Variants in NRG1 observed in about 807,000 individuals in gnomAD.
NRG1 encodes neuregulin 1.
A neutral mutation model predicts 63.8 loss-of-function variants in NRG1; 18 were observed. The ratio of observed to expected loss-of-function variants is 0.28; its 90% CI spans 0.19 to 0.42. NRG1 has a LOEUF of 0.42. NRG1 is among the 10% of genes least tolerant of loss of function. NRG1 has a pLI of 1.00. For missense variants in NRG1, 762 were observed against 814.7 expected (o/e 0.94, Z 0.79); for synonymous variants, 302 against 301.3 (o/e 1.00, Z -0.02).
intron 1 of NRG1, among the ~76,000 whole-genome samples, chr8:32,433,480 T>C (rs891213183): frequency 7.9e-5 from 12 of 152,210 alleles, no homozygotes; most frequent in African/African-American, 1.2e-4. Flanking sequence ...CTTTTGGGCT[T>C]GTATTTTTTC....
intron 1 of NRG1, among the ~76,000 whole-genome samples, chr8:31,813,519 T>TTCTTTTCTTTTCTTTC (rs778228643): frequency 1.7e-5 from 2 of 116,156 alleles, no homozygotes; most frequent in South Asian, 3.0e-4. Context: ...TTCTTTTCTT[T>TTCTTTTCTTTTCTTTC]TTTTTTTTTT....
chr8:31,745,551 T>C (rs545346769), intron 1 of NRG1, among the ~76,000 whole-genome samples: 1 of 152,044 alleles, frequency 6.6e-6, no homozygotes, highest in Admixed American at 6.6e-5. Context: ...AACTACTTTA[T>C]CCACCCCTGA....
At chr8:32,343,329 A>G (rs1226899325) in intron 1 of NRG1, among the ~76,000 whole-genome samples, 2 of 152,210 alleles carry the variant, frequency 1.3e-5, no homozygotes, top group African/African-American at 2.4e-5. Context: ...GAATAATATC[A>G]TATTTAATTT....
chr8:32,353,620 C>T (rs1805938650), intron 1 of NRG1, among the ~76,000 whole-genome samples: 1 of 152,116 alleles, frequency 6.6e-6, no homozygotes, highest in Non-Finnish European at 1.5e-5. Flanking sequence ...AAATGAGATT[C>T]TTCTAAATAC....
intron 1 of NRG1, among the ~76,000 whole-genome samples, chr8:31,853,516 GA>G (rs1160159690): frequency 6.6e-6 from 1 of 150,508 alleles, no homozygotes; most frequent in Non-Finnish European, 1.5e-5. Flanking sequence ...TTTGGGCTGA[GA>G]CGATGGGGTT....
intron 1 of NRG1, among the ~76,000 whole-genome samples, chr8:32,402,440 C>T (rs1425478087): frequency 6.6e-6 from 1 of 152,052 alleles, no homozygotes; most frequent in Non-Finnish European, 1.5e-5. Context: ...AAAAACAATT[C>T]ATAAGTGTTA....
chr8:32,515,312 G>A (rs1482050176), intron 1 of NRG1, among the ~76,000 whole-genome samples: 1 of 151,990 alleles, frequency 6.6e-6, no homozygotes, highest in Non-Finnish European at 1.5e-5. Flanking sequence ...CTGGTGTGAG[G>A]TGGTATCTCT....
At chr8:32,205,560 G>T (rs1563907707) in intron 1 of NRG1, among the ~76,000 whole-genome samples, 1 of 152,052 alleles carries the variant, frequency 6.6e-6, no homozygotes. Flanking sequence ...CTCTGGCATT[G>T]TGAACAAAAA....
chr8:31,654,698 G>A (rs1805250283), intron 1 of NRG1, among the ~76,000 whole-genome samples: 1 of 152,206 alleles, frequency 6.6e-6, no homozygotes, highest in African/African-American at 2.4e-5. Flanking sequence ...AGTGCTTTGG[G>A]AGGTTGAAGC....
intron 1 of NRG1, among the ~76,000 whole-genome samples, chr8:32,538,141 T>A (rs1242656787): frequency 1.3e-5 from 2 of 152,108 alleles, no homozygotes; most frequent in African/African-American, 4.8e-5. Context: ...TGTGAGCCAC[T>A]GCGCTCAGCT....
In NRG1 at chr8:32,493,512, T is replaced by A. The variant is rs117521550; in HGVS notation, c.38-102316T>A. ...AAGGAGGATTACCTCTTCCTAGACA[T>A]CCAGTTGAAAAACCAACTGGTATAG... On this transcript the variant is annotated intron_variant, in intron 1 of 10. Transcript: ENST00000519301. Among the ~76,000 whole-genome samples the A allele has an allele frequency of 7.2e-3, 1,090 of 152,310 alleles. 9 individuals are homozygous for A. Among genetic ancestry groups the A allele is most frequent in the Non-Finnish European group, 9.9e-3 (673 of 68,024 alleles).
rs1264111970 is a variant in NRG1, at chr8:32,747,732, G to GTGTATATATATATATATATATATA, written c.691+5000_691+5001insGTATATATATATATATATATATAT. 1.8e-3 allele frequency among the ~76,000 whole-genome samples: 239 copies of GTGTATATATATATATATATATATA among 131,972 alleles called. 1 individual carries two copies. Among genetic ancestry groups the GTGTATATATATATATATATATATA allele is most frequent in the African/African-American group, 6.9e-3 (230 of 33,552 alleles). The allele number at this position is 131,972 out of a possible 152,430, so 86.6% of individuals were successfully genotyped here. On this transcript the variant is annotated intron_variant, in intron 7 of 11. Coordinates refer to ENST00000356819, the Ensembl canonical transcript of NRG1. ...TGTTTGTGTGCATATATGTGTGTGT[G>GTGTATATATATATATATATATATA]TATATATATATATATATATATATAT...
At chr8:32,255,554 G>A (rs966935399) in intron 1 of NRG1, among the ~76,000 whole-genome samples, 5 of 152,200 alleles carry the variant, frequency 3.3e-5, no homozygotes, top group African/African-American at 1.2e-4. Flanking sequence ...TTTCTGCAGA[G>A]AATTCCTCTG....
intron 1 of NRG1, among the ~76,000 whole-genome samples, chr8:31,950,050 C>A (rs1213140485): frequency 6.6e-6 from 1 of 152,136 alleles, no homozygotes; most frequent in Non-Finnish European, 1.5e-5. Flanking sequence ...CTGCTGTCAC[C>A]CCTTAGGTGG....
chr8:32,494,234 T>C (rs1826934375), intron 1 of NRG1, among the ~76,000 whole-genome samples: 1 of 152,232 alleles, frequency 6.6e-6, no homozygotes, highest in Non-Finnish European at 1.5e-5. Context: ...TACATGTTTA[T>C]TGTAGAACAT....
chr8:32,107,270 T>C (rs982326678), intron 1 of NRG1, among the ~76,000 whole-genome samples: 1 of 152,188 alleles, frequency 6.6e-6, no homozygotes, highest in Non-Finnish European at 1.5e-5. Context: ...GGATCTATTT[T>C]TAGTCTCAAA....
intron 6 of NRG1, among the ~76,000 whole-genome samples, chr8:32,731,117 T>C (rs1823546434): frequency 1.3e-5 from 2 of 152,182 alleles, no homozygotes; most frequent in Admixed American, 6.5e-5. Context: ...TTTCCACATA[T>C]TAATTTCAGC....
chr8:32,532,328 T>C (rs759072579), intron 1 of NRG1, among the ~76,000 whole-genome samples: 1 of 152,066 alleles, frequency 6.6e-6, no homozygotes, highest in African/African-American at 2.4e-5. Context: ...AAAGCTAGTA[T>C]GTGCTATAAG....
intron 1 of NRG1, among the ~76,000 whole-genome samples, chr8:31,973,938 G>A (rs114760405): frequency 0.018 from 2,707 of 152,210 alleles, 76 homozygotes; most frequent in African/African-American, 0.059. Flanking sequence ...TTAGCAGAGC[G>A]CTTTTCAAGA....
Sources: allele counts gnomAD v4.1 joint callset (sites outside exome capture counted in the v4.1 genomes callset), GRCh38; gene constraint gnomAD v4.1.1; transcripts MANE v1.5; gene names NCBI Gene and HGNC (gene_info 2026-07-23, HGNC 2026-07-21).